The following SCUBE3 variants were observed in gnomAD, a reference collection of about 807,000 sequenced individuals.
SCUBE3 encodes the protein signal peptide, CUB domain and EGF like domain containing 3.
In SCUBE3, 33 loss-of-function variants were observed where a neutral mutation model predicts 116.8. That is an observed-to-expected ratio of 0.28 (90% CI 0.21 to 0.38). The LOEUF (loss-of-function observed/expected upper bound fraction) is 0.38. Ranked by LOEUF, SCUBE3 falls within the 10% of genes least tolerant of loss-of-function variation. SCUBE3 has a pLI of 1.00. For synonymous variants in SCUBE3, 418 were observed against 496.9 expected (o/e 0.84, Z 2.11); for missense variants, 1,007 against 1,324.8 (o/e 0.76, Z 3.72).
rs1784100980 is a variant in SCUBE3 at position 35,242,233 on chromosome 6, G to A, written c.1447G>A (p.Ala483Thr). 1 of 1,613,860 alleles carries A rather than the reference G, an allele frequency of 6.2e-7. No individual in the cohort carries two copies. Among genetic ancestry groups the A allele is most frequent in the Non-Finnish European group, 8.5e-7 (1 of 1,179,792 alleles). The change falls in exon 13 of 22, where the codon GCC becomes ACC. Residue 483 changes from alanine (A) to threonine (T), a missense_variant. This residue lies in a region of SCUBE3 where 544 missense variants were observed against 638.9 expected (regional missense o/e 0.85). Coordinates refer to ENST00000274938, the MANE Select transcript of SCUBE3 (RefSeq NM_152753.4). ...TGCAGTGCTGTCCATTAAACAACGG[G>A]CCTCCTTCAAGATCAAGGATGCCAA... The part of the protein sequence containing the change: ...EAAVLSIKQR[A>T]SFKIKDAKCR...
Position 35,241,767 on chromosome 6 carries a change from G to C in SCUBE3, c.1313-39G>C, listed in dbSNP as rs74734023. ...GGATTCCTCCAGCCAGCGGGGGTTG[G>C]GAAGGCAGGTCAGAACTGTGACAGG... On this transcript the variant is annotated intron_variant, in intron 11 of 21. Coordinates refer to ENST00000274938, the MANE Select transcript of SCUBE3 (RefSeq NM_152753.4). This position sits in a 1 kb window ranked among gnomAD's most constrained non-coding sequence, Gnocchi z 4.1. 15,511 of 1,563,918 alleles carry C rather than the reference G, an allele frequency of 9.9e-3. 124 individuals are homozygous for C. The highest frequency in any genetic ancestry group is 0.023 in the African/African-American group (1,672 of 74,098).
chr6:35,239,686 T>C lies in SCUBE3; in HGVS notation c.830-66T>C, dbSNP rs1185747712. The C allele has an allele frequency of 6.6e-6, 10 of 1,511,888 alleles. No homozygotes were observed. The East Asian group carries it at 1.2e-4, about 18-fold the overall frequency. The allele number at this position is 1,511,888 out of a possible 1,614,324, so 93.7% of individuals were successfully genotyped here. ...CATGTCTCTGTCAGTGAGGGAGGGA[T>C]CTTTCTCCTTGTTTGTTCTCAGCCT... On this transcript the variant is annotated intron_variant, in intron 7 of 21. Coordinates refer to ENST00000274938, the MANE Select transcript of SCUBE3 (RefSeq NM_152753.4). This position sits in a 1 kb window ranked among gnomAD's most constrained non-coding sequence, Gnocchi z 4.1.
chr6:35,250,862 C>T lies in SCUBE3; in HGVS notation c.*2157C>T, dbSNP rs1784529697. On this transcript the variant is annotated 3_prime_UTR_variant, in exon 22 of 22. Transcript: ENST00000274938. ...TCCCTGCCCTCCCATCAGTAGCATT[C>T]ATCAGCCAAAACGGCCATAGCAGTA... 1 of 152,214 alleles carries T rather than the reference C, an allele frequency of 6.6e-6. No individual in the cohort carries two copies. Among genetic ancestry groups the T allele is most frequent in the Non-Finnish European group, 1.5e-5 (1 of 68,074 alleles). 9.4% of individuals were successfully genotyped at this position (152,214 alleles called of 1,614,324 possible).
chr6:35,233,422 G>T lies in SCUBE3; in HGVS notation c.712+121G>T. 1.5e-6 allele frequency: 1 copy of T among 679,900 alleles called. No homozygotes were observed. The highest frequency in any genetic ancestry group is 2.6e-6 in the Non-Finnish European group (1 of 378,352). 42.1% of individuals were successfully genotyped at this position (679,900 alleles called of 1,614,324 possible). A position where few individuals can be genotyped will look rare whatever the true frequency, so the allele number is the denominator to read the frequency against. ...GTGCTGGGCACAGAGGGACTGGTGA[G>T]GGAGTTAAGACCCAGAAAATGCCAG... On this transcript the variant is annotated intron_variant, in intron 6 of 21. Coordinates refer to ENST00000274938, the MANE Select transcript of SCUBE3 (RefSeq NM_152753.4). The surrounding 1 kb of genome is among the most constrained non-coding windows in gnomAD (Gnocchi z 5.7).
At chr6:35,218,389 G>A (rs1196443986) in intron 1 of SCUBE3, among the ~76,000 whole-genome samples, 1 of 152,206 alleles carries the variant, frequency 6.6e-6, no homozygotes, top group Non-Finnish European at 1.5e-5. Context: ...CAGGGGAAGG[G>A]AACGAAGGGC....
intron 21 of SCUBE3, among the ~76,000 whole-genome samples, chr6:35,247,130 T>G (rs1784372684): frequency 6.6e-6 from 1 of 151,840 alleles, no homozygotes; most frequent in Admixed American, 6.6e-5. Context: ...TTTAAGAAAA[T>G]CTTCCTTAAG....
rs1189097632 is a variant in SCUBE3 at position 35,235,856 on chromosome 6, C to T, written c.713-2046C>T. The stretch of plus-strand genomic sequence containing the variant: ...CATCTTCCCTGTCATGCCCACTGTG[C>T]CACCTGAGATAGGGGTGCGATAGGA... On this transcript the variant is annotated intron_variant, in intron 6 of 21. Transcript: ENST00000274938. This position sits in a 1 kb window ranked among gnomAD's most constrained non-coding sequence, Gnocchi z 4.5. Among the ~76,000 whole-genome samples, 1 of 151,986 alleles carries T rather than the reference C, an allele frequency of 6.6e-6. No homozygotes were observed. The highest frequency in any genetic ancestry group is 1.5e-5 in the Non-Finnish European group (1 of 68,008).
chr6:35,251,782 G>C lies in SCUBE3; in HGVS notation c.*3077G>C, dbSNP rs1369739469. On this transcript the variant is annotated 3_prime_UTR_variant, in exon 22 of 22. Transcript: ENST00000274938. ...TCCAAGTTGGAGGGTTAAGAACCCAGGCAAAGCTGCTGCTGAATCTATGGA... is the reference window on the plus strand; with the variant it reads ...TCCAAGTTGGAGGGTTAAGAACCCACGCAAAGCTGCTGCTGAATCTATGGA... 1 of 152,224 alleles carries C rather than the reference G, an allele frequency of 6.6e-6. No homozygotes were observed. Among genetic ancestry groups the C allele is most frequent in the Non-Finnish European group, 1.5e-5 (1 of 68,036 alleles). The allele number at this position is 152,224 out of a possible 1,614,324, so 9.4% of individuals were successfully genotyped here. A position where few individuals can be genotyped will look rare whatever the true frequency, so the allele number is the denominator to read the frequency against.
intron 1 of SCUBE3, among the ~76,000 whole-genome samples, chr6:35,225,225 T>C (rs1037502543): frequency 2.0e-5 from 3 of 152,228 alleles, no homozygotes; most frequent in Non-Finnish European, 4.4e-5. Flanking sequence ...TGAGGAGGTA[T>C]TATCATCCCC....
chr6:35,227,827 G>A, intron 2 of SCUBE3, 125 bp downstream of exon 2: 5 of 1,004,664 alleles, frequency 5.0e-6, no homozygotes, highest in Non-Finnish European at 7.5e-6. Context: ...GTGGTGGGGG[G>A]GTGGTGAGGG....
At position 35,240,993 on chromosome 6, in the gene SCUBE3, C is replaced by G. The variant is rs879051213; in HGVS notation, c.1070-148C>G. The G allele has an allele frequency of 2.5e-5, 18 of 725,342 alleles. No individual in the cohort carries two copies. The South Asian group carries it at 3.0e-4, about 12-fold the overall frequency. 44.9% of individuals were successfully genotyped at this position (725,342 alleles called of 1,614,324 possible). ...CAGTATTTATGTGCCTATAGGCACA[C>G]TGTTGTACAGTAGATCTCTCGAACT... On this transcript the variant is annotated intron_variant, in intron 9 of 21. Coordinates refer to ENST00000274938, the MANE Select transcript of SCUBE3 (RefSeq NM_152753.4). The surrounding 1 kb of genome is among the most constrained non-coding windows in gnomAD (Gnocchi z 4.6).
chr6:35,225,378 T>C (rs535453470), intron 1 of SCUBE3, among the ~76,000 whole-genome samples: 1 of 152,352 alleles, frequency 6.6e-6, no homozygotes, highest in East Asian at 1.9e-4. Flanking sequence ...TGTTTATCAG[T>C]TGGACAAACT....
intron 1 of SCUBE3, chr6:35,220,327 G>A (rs141134850): frequency 6.6e-6 from 1 of 152,282 alleles, no homozygotes; most frequent in East Asian, 1.9e-4. Context: ...TGAAGACCAC[G>A]TGAACCAACC....
rs1382280853 is a variant in SCUBE3 at position 35,243,081 on chromosome 6, A to C, written c.1754A>C (p.Lys585Thr). The change falls in exon 15 of 22, where the codon AAG (lysine) becomes ACG (threonine). Residue 585 changes from lysine to threonine, a missense_variant. By Grantham distance (78) the Lys-to-Thr change is moderately conservative (BLOSUM62 -1). This residue lies in a region of SCUBE3 where 544 missense variants were observed against 638.9 expected (regional missense o/e 0.85). Transcript: ENST00000274938. The surrounding 1 kb of genome is among the most constrained non-coding windows in gnomAD (Gnocchi z 6.6). The part of the protein sequence containing the change: ...RMERRLKGSL[K>T]MLRKSINQDR... ...GAACGGCGGCTGAAAGGATCCCTGA[A>C]GATGCTCAGAAAGTCCATCAACCAG... 1.2e-6 allele frequency: 2 copies of C among 1,614,074 alleles called. No individual in the cohort carries two copies. The highest frequency in any genetic ancestry group is 1.7e-6 in the Non-Finnish European group (2 of 1,180,040).
chr6:35,248,448 T>C (rs1028702951), intron 21 of SCUBE3, 108 bp from the exon 22 acceptor site: 79 of 1,038,142 alleles, frequency 7.6e-5, no homozygotes, highest in Admixed American at 5.4e-5. Flanking sequence ...TCTGGATATA[T>C]TCAGTATAGG....
rs1213110457 is a variant in SCUBE3 at position 35,228,122 on chromosome 6, G to A, written c.208+420G>A. ...AATTAAATCAATGCAAATTAAAGTA[G>A]CCTTGAGATATTAAATTTATGAGCT... On this transcript the variant is annotated intron_variant, in intron 2 of 21. Transcript: ENST00000274938. The surrounding 1 kb of genome is among the most constrained non-coding windows in gnomAD (Gnocchi z 4.9). Among the ~76,000 whole-genome samples the A allele has an allele frequency of 2.6e-5, 4 of 152,194 alleles. No individual in the cohort carries two copies. The highest frequency in any genetic ancestry group is 9.7e-5 in the African/African-American group (4 of 41,434).
Position 35,243,688 on chromosome 6 carries a change from C to T in SCUBE3, c.2004C>T (p.Ser668=). ...GTFQEREGQL[S]CDLCPGSDAH... ...TCCAGGAGAGAGAAGGGCAGCTCTCCTGCGACCTTTGCCCTGGGAGTGATG... is the reference window on the plus strand; with the variant it reads ...TCCAGGAGAGAGAAGGGCAGCTCTCTTGCGACCTTTGCCCTGGGAGTGATG... Residue 668 remains serine (S), a synonymous_variant, in exon 16 of 22, where the codon TCC becomes TCT. Coordinates refer to ENST00000274938, the MANE Select transcript of SCUBE3 (RefSeq NM_152753.4). This position sits in a 1 kb window ranked among gnomAD's most constrained non-coding sequence, Gnocchi z 6.6. 2 of 1,614,138 alleles carry T rather than the reference C, an allele frequency of 1.2e-6. No homozygotes were observed. The highest frequency in any genetic ancestry group is 1.7e-6 in the Non-Finnish European group (2 of 1,179,992).
Position 35,245,549 on chromosome 6 carries a change from TAGTG to T in SCUBE3, c.2599+127_2599+130del, listed in dbSNP as rs1193069519. The T allele has an allele frequency of 2.7e-6, 2 of 749,064 alleles. No individual in the cohort carries two copies. Among genetic ancestry groups the T allele is most frequent in the South Asian group, 1.7e-5 (1 of 58,548 alleles). The allele number at this position is 749,064 out of a possible 1,614,324, so 46.4% of individuals were successfully genotyped here. On this transcript the variant is annotated intron_variant, in intron 19 of 21. Transcript: ENST00000274938. The surrounding 1 kb of genome is among the most constrained non-coding windows in gnomAD (Gnocchi z 4.2). ...AAGTTAGGGATCTATGAGGGTGAAA[TAGTG>T]AGAGGCCTTTAGGAAGAGAGAAGCT...
At chr6:35,246,169 C>T in intron 20 of SCUBE3, 37 bp from the exon 21 acceptor site, 1 of 1,611,744 alleles carries the variant, frequency 6.2e-7, no homozygotes, top group Non-Finnish European at 8.5e-7. Context: ...AGGAAGAGCT[C>T]CCGCCCCTGA....
Sources: allele counts gnomAD v4.1 joint callset (sites outside exome capture counted in the v4.1 genomes callset), GRCh38; gene constraint gnomAD v4.1.1; regional missense constraint gnomAD v4.1.1; non-coding constraint Gnocchi (gnomAD v3.1); transcripts MANE v1.5; gene names NCBI Gene and HGNC (gene_info 2026-07-23, HGNC 2026-07-21).